The following DIP2C variants were observed in gnomAD, a reference collection of about 807,000 sequenced individuals.
The protein encoded by DIP2C is disco-interacting protein 2 homolog C.
In DIP2C, 33 loss-of-function variants were observed where a neutral mutation model predicts 192.4. The ratio of observed to expected loss-of-function variants is 0.17; its 90% CI spans 0.13 to 0.23. The LOEUF is 0.23. Among genes scored for constraint, DIP2C ranks in the 10% least tolerant of loss-of-function variants. The pLI is 1.00. For missense variants in DIP2C, 1,537 were observed against 2,110.1 expected (o/e 0.73, Z 5.32); for synonymous variants, 979 against 864.1 (o/e 1.13, Z -2.33).
At position 414,745 on chromosome 10, in the gene DIP2C, A is replaced by ATATAATGTG. The variant is rs1965472468; in HGVS notation, c.860-636_860-635insCACATTATA. On this transcript the variant is annotated intron_variant, in intron 7 of 36. Coordinates refer to ENST00000280886, the MANE Select transcript of DIP2C (RefSeq NM_014974.3). ...TGTGTGTGTGTGTGTGTGTGTACAT[A>ATATAATGTG]TATATATATATAATGTGTATATATA... Among the ~76,000 whole-genome samples, 17 of 90,888 alleles carry ATATAATGTG rather than the reference A, an allele frequency of 1.9e-4. 1 individual carries two copies. Among genetic ancestry groups the ATATAATGTG allele is most frequent in the African/African-American group, 7.7e-4 (17 of 21,960 alleles). The allele number at this position is 90,888 out of a possible 152,430, so 59.6% of individuals were successfully genotyped here.
At chr10:548,559 G>A (rs1156970970) in intron 1 of DIP2C, among the ~76,000 whole-genome samples, 1 of 150,138 alleles carries the variant, frequency 6.7e-6, no homozygotes, top group African/African-American at 2.5e-5. Flanking sequence ...GGACAGAGGT[G>A]ATGTGGCCGG....
chr10:375,980 A>G (rs1389294788), intron 17 of DIP2C, among the ~76,000 whole-genome samples: 2 of 152,210 alleles, frequency 1.3e-5, no homozygotes, highest in Non-Finnish European at 2.9e-5. Flanking sequence ...CCTCCCCAGC[A>G]ATCTTTACAC....
At chr10:410,566 G>T (rs1036575366) in intron 8 of DIP2C, among the ~76,000 whole-genome samples, 2 of 152,196 alleles carry the variant, frequency 1.3e-5, no homozygotes, top group East Asian at 3.8e-4. Context: ...TGTGGCTTCA[G>T]ATTTCTTTAA....
In DIP2C at chr10:452,039, C is replaced by T. The variant is rs542072744; in HGVS notation, c.269-11043G>A. Among the ~76,000 whole-genome samples, 5 of 152,218 alleles carry T rather than the reference C, an allele frequency of 3.3e-5. No individual in the cohort carries two copies. In the South Asian group the frequency reaches 6.2e-4, roughly 19 times the overall value. ...ACACCCAGCTCGGGGCGACTCCAGA[C>T]GAGGACAGAGAGTGGTTTCCTCACA... is the stretch of plus-strand genomic sequence containing the variant. On this transcript the variant is annotated intron_variant, in intron 3 of 36. Transcript: ENST00000280886.
In DIP2C at chr10:366,388, C is replaced by T; in HGVS notation, c.2155G>A (p.Asp719Asn). Residue 719 changes from aspartate (D) to asparagine (N), a missense_variant, in exon 19 of 37, where the codon GAC (aspartate) becomes AAC (asparagine). Coordinates refer to ENST00000280886, the MANE Select transcript of DIP2C (RefSeq NM_014974.3). ...PGAIMCSVKP[D>N]GVPQLCRTDE... ...GTTCTGCACAGCTGAGGAACCCCGT[C>T]TGGCTTCACTGAACACATGATGGCT... 1 of 1,614,236 alleles carries T rather than the reference C, an allele frequency of 6.2e-7. No homozygotes were observed. The highest frequency in any genetic ancestry group is 8.5e-7 in the Non-Finnish European group (1 of 1,180,056).
At position 651,030 on chromosome 10, in the gene DIP2C, C is replaced by G. The variant is rs199865334; in HGVS notation, c.85+38464G>C. On this transcript the variant is annotated intron_variant, in intron 1 of 36. Transcript: ENST00000280886. This position sits in a 1 kb window ranked among gnomAD's most constrained non-coding sequence, Gnocchi z 4.1. ...GCTCAGGCCCCAGCCCCCGTTTCTGCAGAAGCCCCTTTCCATCCTAGCCCC... is the reference window on the plus strand; with the variant it reads ...GCTCAGGCCCCAGCCCCCGTTTCTGGAGAAGCCCCTTTCCATCCTAGCCCC... 525 of 717,448 alleles carry G rather than the reference C, an allele frequency of 7.3e-4. 2 individuals are homozygous for G. In the African/African-American group the frequency reaches 7.9e-3, roughly 11 times the overall value. The allele number at this position is 717,448 out of a possible 1,614,324, so 44.4% of individuals were successfully genotyped here.
chr10:390,547 C>T (rs143797813), intron 11 of DIP2C, among the ~76,000 whole-genome samples, 174 bp from the exon 12 acceptor site: 5 of 151,556 alleles, frequency 3.3e-5, no homozygotes, highest in Non-Finnish European at 7.4e-5. Context: ...CGCCACCATG[C>T]GTTACCTCAC....
intron 13 of DIP2C, among the ~76,000 whole-genome samples, chr10:389,665 G>A (rs1198431185): frequency 6.6e-6 from 1 of 152,160 alleles, no homozygotes; most frequent in Admixed American, 6.5e-5. Flanking sequence ...TCAGTGGGGT[G>A]GTAGGGATGG....
intron 1 of DIP2C, among the ~76,000 whole-genome samples, chr10:566,606 C>A (rs1448819983): frequency 1.4e-4 from 22 of 152,246 alleles, no homozygotes; most frequent in Non-Finnish European, 5.9e-5. Context: ...GAGGCGAGGG[C>A]CCATGAGCCC....
chr10:423,939 C>A (rs1293507563), intron 4 of DIP2C, among the ~76,000 whole-genome samples: 2 of 152,176 alleles, frequency 1.3e-5, no homozygotes, highest in Non-Finnish European at 2.9e-5. Context: ...ATTGATTTTT[C>A]TATCTGTGCA....
chr10:522,998 G>C (rs1009427698), intron 1 of DIP2C, among the ~76,000 whole-genome samples: 1 of 151,808 alleles, frequency 6.6e-6, no homozygotes, highest in South Asian at 2.1e-4. Context: ...GAGGATGCAC[G>C]GACTCTGTGT....
intron 1 of DIP2C, among the ~76,000 whole-genome samples, chr10:685,164 ATATATATATATATATATATATAC>A (rs1831282444): frequency 0.011 from 201 of 19,112 alleles, 3 homozygotes; most frequent in African/African-American, 0.022. Flanking sequence ...AAAAAAAAAT[ATATATATATATATATATATATAC>A]ATATATATAT....
At chr10:530,966 C>T (rs1206055915) in intron 1 of DIP2C, among the ~76,000 whole-genome samples, 1 of 152,182 alleles carries the variant, frequency 6.6e-6, no homozygotes, top group African/African-American at 2.4e-5. Context: ...ACCAGACACC[C>T]CACCCTGGGA....
intron 1 of DIP2C, among the ~76,000 whole-genome samples, chr10:674,176 T>TA (rs1240891607): frequency 2.6e-5 from 4 of 152,124 alleles, no homozygotes; most frequent in African/African-American, 7.2e-5. Flanking sequence ...TGAGTGGATT[T>TA]AAAAAAAGAA....
intron 1 of DIP2C, among the ~76,000 whole-genome samples, chr10:493,928 C>T (rs1399296930): frequency 1.3e-5 from 2 of 152,234 alleles, no homozygotes; most frequent in East Asian, 1.9e-4. Context: ...CCAGTGCCGC[C>T]GTCCTACCTC....
At chr10:626,189 A>T (rs561680317) in intron 1 of DIP2C, among the ~76,000 whole-genome samples, 12 of 152,306 alleles carry the variant, frequency 7.9e-5, no homozygotes, top group African/African-American at 2.9e-4. Flanking sequence ...CTCCATGTGC[A>T]CCTGTGACGG....
At chr10:337,049 GGTGTGTGT>G (rs148004134) in intron 29 of DIP2C, among the ~76,000 whole-genome samples, 14 of 37,962 alleles carry the variant, frequency 3.7e-4, no homozygotes, top group Admixed American at 2.8e-3. Context: ...GGCCTAGACT[GGTGTGTGT>G]GTGTGTGTGT....
In DIP2C at chr10:390,041, G is replaced by A. The variant is rs138715912; in HGVS notation, c.1547C>T (p.Ala516Val). Residue 516 changes from alanine to valine, a missense_variant, in exon 13 of 37, where the codon GCG becomes GTG. Physicochemically the swap from Ala to Val is moderately conservative, Grantham distance 64. This residue lies in a region of DIP2C where 677 missense variants were observed against 989.9 expected (regional missense o/e 0.68). Coordinates refer to ENST00000280886, the MANE Select transcript of DIP2C (RefSeq NM_014974.3). Reference protein sequence around the residue: ...SVLGVTVTRTALLTHCQALTQ... With the variant: ...SVLGVTVTRTVLLTHCQALTQ... ...CAGGGCCTGGCAGTGTGTCAGCAGC[G>A]CAGTCCTCGTCACCGTCACACCCAG... 3.2e-5 allele frequency: 51 copies of A among 1,613,990 alleles called. No individual in the cohort carries two copies. The highest frequency in any genetic ancestry group is 1.1e-4 in the African/African-American group (8 of 74,926).
At chr10:302,386 G>C (rs1158269724) in intron 32 of DIP2C, among the ~76,000 whole-genome samples, 1 of 152,164 alleles carries the variant, frequency 6.6e-6, no homozygotes, top group Non-Finnish European at 1.5e-5. Flanking sequence ...CTTAATCCAA[G>C]CACCTGTTAA....
Sources: gnomAD v4.1 joint callset for allele counts (sites outside exome capture counted in the v4.1 genomes callset) on GRCh38, gnomAD v4.1.1 for gene constraint, gnomAD v4.1.1 regional missense constraint, Gnocchi (gnomAD v3.1) non-coding constraint, MANE v1.5 for transcripts, NCBI Gene and HGNC (gene_info 2026-07-23, HGNC 2026-07-21) for gene names.